TMEM178B: variants seen among roughly 807,000 people sequenced by gnomAD.
TMEM178B encodes the protein transmembrane protein 178B.
In TMEM178B, 5 loss-of-function variants were observed where a neutral mutation model predicts 31.0. That is an observed-to-expected ratio of 0.16 (90% confidence interval 0.08 to 0.34). The LOEUF (loss-of-function observed/expected upper bound fraction) is 0.34. Among genes scored for constraint, TMEM178B ranks in the 10% least tolerant of loss-of-function variants. The probability of loss-of-function intolerance (pLI) is 1.00; values close to 1 mark genes in which losing one functional copy is unlikely to be tolerated. For synonymous variants in TMEM178B, 164 were observed against 164.0 expected (o/e 1.00, Z 0.00); for missense variants, 275 against 400.3 (o/e 0.69, Z 2.67).
chr7:141,324,439 T>TG (rs1799154637), intron 2 of TMEM178B, among the ~76,000 whole-genome samples: 2 of 126,046 alleles, frequency 1.6e-5, no homozygotes, highest in Non-Finnish European at 3.5e-5. Flanking sequence ...TTTTTTTTTT[T>TG]TTTTTTTTTT....
chr7:141,085,381 C>T (rs184769622), intron 1 of TMEM178B, among the ~76,000 whole-genome samples: 10 of 152,090 alleles, frequency 6.6e-5, no homozygotes, highest in Non-Finnish European at 8.8e-5. Context: ...GTGATGTTTC[C>T]TCTGAGTAGA....
chr7:141,117,310 C>T (rs554451951), intron 1 of TMEM178B, among the ~76,000 whole-genome samples: 4 of 152,088 alleles, frequency 2.6e-5, no homozygotes, highest in Non-Finnish European at 5.9e-5. Context: ...ACATAAATGT[C>T]TTCTTTTGAG....
intron 3 of TMEM178B, among the ~76,000 whole-genome samples, chr7:141,463,387 A>G (rs1236635200): frequency 2.6e-5 from 4 of 152,216 alleles, no homozygotes; most frequent in South Asian, 2.1e-4. Context: ...AGTTCCTCCA[A>G]TGACATACCT....
At chr7:141,227,361 C>T (rs2129190807) in intron 2 of TMEM178B, among the ~76,000 whole-genome samples, 1 of 152,330 alleles carries the variant, frequency 6.6e-6, no homozygotes, top group African/African-American at 2.4e-5. Context: ...GATGGAAGAG[C>T]AGCAATCCCT....
At chr7:141,500,631 G>A in the TMEM178B span, among the ~76,000 whole-genome samples, 6,074 of 152,110 alleles carry the variant, frequency 0.04, 388 homozygotes, top group African/African-American at 0.13. Context: ...TTTTTCCTGT[G>A]GGCCATTTTT....
chr7:141,459,712 C>T (rs1411874778), intron 3 of TMEM178B, among the ~76,000 whole-genome samples: 1 of 152,124 alleles, frequency 6.6e-6, no homozygotes, highest in Non-Finnish European at 1.5e-5. Flanking sequence ...GCACTTTGAC[C>T]TTAGTAAATT....
chr7:141,159,670 A>G (rs569824180), intron 1 of TMEM178B, among the ~76,000 whole-genome samples: 3 of 152,340 alleles, frequency 2.0e-5, no homozygotes, highest in African/African-American at 7.2e-5. Flanking sequence ...AACCTGGAGG[A>G]CATCATGCCA....
At chr7:141,135,602 G>A (rs2129178319) in intron 1 of TMEM178B, among the ~76,000 whole-genome samples, 1 of 152,256 alleles carries the variant, frequency 6.6e-6, no homozygotes, top group South Asian at 2.1e-4. Context: ...ACAAATGCAT[G>A]GAAATTAAAC....
intron 1 of TMEM178B, among the ~76,000 whole-genome samples, chr7:141,097,836 A>G (rs539392348): frequency 7.4e-6 from 1 of 135,774 alleles, no homozygotes; most frequent in South Asian, 2.3e-4. Flanking sequence ...TTTGTCACCC[A>G]GGATGGAGTG....
chr7:141,206,319 C>A lies in TMEM178B; in HGVS notation c.383-6272C>A, dbSNP rs188307512. Among the ~76,000 whole-genome samples the A allele has an allele frequency of 3.3e-5, 5 of 152,264 alleles. No individual in the cohort carries two copies. The East Asian group carries it at 9.7e-4, about 29-fold the overall frequency. On this transcript the variant is annotated intron_variant, in intron 1 of 3. Transcript: ENST00000565468. ...GTGCTAGCATTGGACTAAGTGGAAGCTAGAGTGATGCATTTGGAAGTGGAA... is the reference window on the plus strand; with the variant it reads ...GTGCTAGCATTGGACTAAGTGGAAGATAGAGTGATGCATTTGGAAGTGGAA...
intron 2 of TMEM178B, among the ~76,000 whole-genome samples, chr7:141,427,687 A>G (rs1262429104): frequency 6.6e-6 from 1 of 152,200 alleles, no homozygotes; most frequent in Non-Finnish European, 1.5e-5. Context: ...ACAGGCAACA[A>G]AAACAAAAAT....
intron 1 of TMEM178B, among the ~76,000 whole-genome samples, chr7:141,147,252 C>A (rs1188175960): frequency 6.6e-6 from 1 of 151,976 alleles, no homozygotes; most frequent in Admixed American, 6.6e-5. Context: ...TTTCTCCTTC[C>A]CTCCCTCCTG....
chr7:141,075,003 G>T (rs924981162), intron 1 of TMEM178B, among the ~76,000 whole-genome samples: 5 of 152,236 alleles, frequency 3.3e-5, no homozygotes, highest in African/African-American at 4.8e-5. Context: ...AGGGAATCTG[G>T]AACGTTGTTT....
At chr7:141,492,232 T>A in the TMEM178B span, among the ~76,000 whole-genome samples, 1 of 152,158 alleles carries the variant, frequency 6.6e-6, no homozygotes, top group African/African-American at 2.4e-5. Context: ...AGTCTCCCCA[T>A]TTTTCCCTCG....
chr7:141,502,392 G>C, the TMEM178B span, among the ~76,000 whole-genome samples: 26 of 152,194 alleles, frequency 1.7e-4, no homozygotes, highest in African/African-American at 6.3e-4. Context: ...AATCCCCCAG[G>C]CATCACCAGT....
chr7:141,470,136 G>A (rs1220069139), intron 3 of TMEM178B, among the ~76,000 whole-genome samples: 1 of 152,198 alleles, frequency 6.6e-6, no homozygotes, highest in African/African-American at 2.4e-5. Context: ...CTTTAAAGAA[G>A]TAGCAAACAG....
intron 2 of TMEM178B, among the ~76,000 whole-genome samples, chr7:141,230,195 A>G (rs1490591685): frequency 1.3e-5 from 2 of 152,142 alleles, no homozygotes; most frequent in Non-Finnish European, 2.9e-5. Flanking sequence ...CTTTGATCAT[A>G]TTTCTGATAA....
At chr7:141,411,587 A>G (rs1800991070) in intron 2 of TMEM178B, among the ~76,000 whole-genome samples, 1 of 152,228 alleles carries the variant, frequency 6.6e-6, no homozygotes, top group Non-Finnish European at 1.5e-5. Context: ...TAGGATATAA[A>G]AAATGGATTA....
intron 2 of TMEM178B, among the ~76,000 whole-genome samples, chr7:141,293,983 A>G (rs1026573829): frequency 1.3e-5 from 2 of 152,224 alleles, no homozygotes; most frequent in African/African-American, 4.8e-5. Context: ...GCTGTTTGAC[A>G]TTTCTACCCC....
Sources: gnomAD v4.1 joint callset for allele counts (sites outside exome capture counted in the v4.1 genomes callset) on GRCh38, gnomAD v4.1.1 for gene constraint, MANE v1.5 for transcripts, NCBI Gene and HGNC (gene_info 2026-07-23, HGNC 2026-07-21) for gene names.